The following KDM1A variants were observed in gnomAD, a reference collection of about 807,000 sequenced individuals.
KDM1A encodes lysine-specific histone demethylase 1A.
A neutral mutation model predicts 109.4 loss-of-function variants in KDM1A; 49 were observed. The ratio of observed to expected loss-of-function variants is 0.45; its 90% CI spans 0.36 to 0.57. The LOEUF is 0.57. KDM1A is among the 20% of genes least tolerant of loss of function. The probability of loss-of-function intolerance (pLI) is 0.00; values close to 1 mark genes in which losing one functional copy is unlikely to be tolerated. For synonymous variants in KDM1A, 380 were observed against 415.4 expected (o/e 0.91, Z 1.04); for missense variants, 668 against 1,116.6 (o/e 0.60, Z 5.73).
intron 1 of KDM1A, 57 bp from the exon 2 acceptor site, chr1:23,030,412 G>A: frequency 1.6e-6 from 2 of 1,281,378 alleles, no homozygotes; most frequent in Non-Finnish European, 2.1e-6. Context: ...TCCAAATAGA[G>A]TCCCTAATTT....
intron 2 of KDM1A, among the ~76,000 whole-genome samples, chr1:23,033,006 C>T (rs146876691): frequency 1.3e-3 from 200 of 152,296 alleles, no homozygotes; most frequent in Middle Eastern, 6.8e-3. Flanking sequence ...TTAAGCAATT[C>T]TCCTGCCTCA....
At chr1:23,068,425 T>C (rs1259535863) in intron 10 of KDM1A, 114 bp from the exon 11 acceptor site, 1 of 775,298 alleles carries the variant, frequency 1.3e-6, no homozygotes, top group African/African-American at 1.8e-5. Flanking sequence ...TGCTCAAAGG[T>C]TTCCCCTTTG....
At chr1:23,064,369 A>G (rs975393438) in intron 9 of KDM1A, among the ~76,000 whole-genome samples, 9 of 152,244 alleles carry the variant, frequency 5.9e-5, no homozygotes, top group Non-Finnish European at 1.0e-4. Flanking sequence ...CCATAATTCT[A>G]GAAGTGCTCG....
chr1:23,033,327 G>T (rs1642046071), intron 2 of KDM1A, among the ~76,000 whole-genome samples: 1 of 152,168 alleles, frequency 6.6e-6, no homozygotes, highest in Non-Finnish European at 1.5e-5. Context: ...TTCGAGACCA[G>T]CATGGCCAAC....
At position 23,059,347 on chromosome 1, in the gene KDM1A, G is replaced by A. The variant is rs182718653; in HGVS notation, c.1167+180G>A. On this transcript the variant is annotated intron_variant, in intron 9 of 20. Coordinates refer to ENST00000400181, the MANE Select transcript of KDM1A (RefSeq NM_001009999.3). ...GTTTCTTAACTCTTGAGCTATGTAGGAAAGGATTATTGTATATATACACAT... is the reference window on the plus strand; with the variant it reads ...GTTTCTTAACTCTTGAGCTATGTAGAAAAGGATTATTGTATATATACACAT... 940 of 695,900 alleles carry A rather than the reference G, an allele frequency of 1.4e-3. 6 individuals are homozygous for A. The highest frequency in any genetic ancestry group is 0.012 in the African/African-American group (668 of 57,450). The allele number at this position is 695,900 out of a possible 1,614,324, so 43.1% of individuals were successfully genotyped here.
At position 23,062,974 on chromosome 1, in the gene KDM1A, G is replaced by A. The variant is rs75645451; in HGVS notation, c.1168-3086G>A. Among the ~76,000 whole-genome samples the A allele has an allele frequency of 6.0e-3, 909 of 152,058 alleles. 26 individuals are homozygous for A. Among genetic ancestry groups the A allele is most frequent in the East Asian group, 0.056 (290 of 5,158 alleles). ...CAGTAATAGCTTTAATTGGACATGCGGAAGGTTGGGAAATAGGGTAATTCA... is the reference window on the plus strand; with the variant it reads ...CAGTAATAGCTTTAATTGGACATGCAGAAGGTTGGGAAATAGGGTAATTCA... On this transcript the variant is annotated intron_variant, in intron 9 of 20. Transcript: ENST00000400181.
intron 2 of KDM1A, among the ~76,000 whole-genome samples, chr1:23,033,590 T>A (rs1452357497): frequency 6.6e-6 from 1 of 152,244 alleles, no homozygotes; most frequent in African/African-American, 2.4e-5. Flanking sequence ...TACCAACTTT[T>A]AAATTTGTTT....
intron 20 of KDM1A, chr1:23,082,610 TTCAGGTTTTCTCCC>T (rs1276876745): frequency 7.7e-6 from 3 of 390,802 alleles, no homozygotes; most frequent in Non-Finnish European, 1.4e-5. Context: ...TTTTTCCTTA[TTCAGGTTTTCTCCC>T]TAAAAAACAA....
At chr1:23,078,338 T>TA (rs1409706913) in intron 16 of KDM1A, among the ~76,000 whole-genome samples, 6 of 152,184 alleles carry the variant, frequency 3.9e-5, no homozygotes, top group African/African-American at 1.4e-4. Flanking sequence ...AATGAGCATG[T>TA]ACTGAGCTTT....
chr1:23,043,131 T>C (rs898555750), intron 2 of KDM1A, among the ~76,000 whole-genome samples: 1 of 152,222 alleles, frequency 6.6e-6, no homozygotes. Flanking sequence ...GAGTTTAAAA[T>C]GTAGGACCTA....
At chr1:23,068,061 C>T (rs375770955) in intron 10 of KDM1A, among the ~76,000 whole-genome samples, 19 of 152,312 alleles carry the variant, frequency 1.2e-4, no homozygotes, top group African/African-American at 4.3e-4. Flanking sequence ...CCTCTTCCCA[C>T]CTGAGATTCA....
intron 1 of KDM1A, among the ~76,000 whole-genome samples, chr1:23,020,755 A>G (rs1306508406): frequency 2.0e-5 from 3 of 152,166 alleles, no homozygotes; most frequent in African/African-American, 7.2e-5. Context: ...GGAATGAGTA[A>G]ACTGAGGCAC....
intron 3 of KDM1A, 45 bp from the exon 4 acceptor site, chr1:23,050,342 T>A (rs1362097174): frequency 6.4e-7 from 1 of 1,568,488 alleles, no homozygotes; most frequent in African/African-American, 1.4e-5. Flanking sequence ...ACCCGTTTTG[T>A]ATTCACTTGC....
intron 11 of KDM1A, 54 bp downstream of exon 11, chr1:23,068,735 C>T: frequency 7.3e-7 from 1 of 1,366,824 alleles, no homozygotes. Context: ...TAAAGATTTG[C>T]TATTTATGTT....
At position 23,019,821 on chromosome 1, in the gene KDM1A, G is replaced by A; in HGVS notation, c.225G>A (p.Ala75=). 1 of 1,423,492 alleles carries A rather than the reference G, an allele frequency of 7.0e-7. No individual in the cohort carries two copies. The highest frequency in any genetic ancestry group is 9.2e-7 in the Non-Finnish European group (1 of 1,090,094). 88.2% of individuals were successfully genotyped at this position (1,423,492 alleles called of 1,614,324 possible). A position where few individuals can be genotyped will look rare whatever the true frequency, so the allele number is the denominator to read the frequency against. The change falls in exon 1 of 21, where the codon GCG becomes GCA. Residue 75 remains alanine, a synonymous_variant. Transcript: ENST00000400181. Reference sequence around the variant, plus strand: ...GGGCCTCGCCCCCCGGGGGCCTGGCGGAACCGCCGGGGTCCGCAGGGCCTC... The same window carrying A: ...GGGCCTCGCCCCCCGGGGGCCTGGCAGAACCGCCGGGGTCCGCAGGGCCTC... ...PPRASPPGGL[A]EPPGSAGPQA...
chr1:23,079,328 T>C lies in KDM1A; in HGVS notation c.2055+151T>C. The C allele has an allele frequency of 2.5e-6, 2 of 790,786 alleles. No homozygotes were observed. The highest frequency in any genetic ancestry group is 4.0e-6 in the Non-Finnish European group (2 of 498,378). 49.0% of individuals were successfully genotyped at this position (790,786 alleles called of 1,614,324 possible). On this transcript the variant is annotated intron_variant, in intron 17 of 20. Coordinates refer to ENST00000400181, the MANE Select transcript of KDM1A (RefSeq NM_001009999.3). This position sits in a 1 kb window ranked among gnomAD's most constrained non-coding sequence, Gnocchi z 5.6. ...GGCTGAGGCGTGTCAGTTGATTCTC[T>C]TCAGTGCCTAAGTCTATCATCAAGT... is the stretch of plus-strand genomic sequence containing the variant.
intron 3 of KDM1A, among the ~76,000 whole-genome samples, chr1:23,046,437 G>T (rs185628767): frequency 6.6e-6 from 1 of 151,906 alleles, no homozygotes; most frequent in Non-Finnish European, 1.5e-5. Context: ...TTATTTTCAC[G>T]CTAGAAATCT....
intron 9 of KDM1A, among the ~76,000 whole-genome samples, chr1:23,065,768 C>G (rs1037191167): frequency 2.6e-5 from 4 of 152,062 alleles, no homozygotes; most frequent in African/African-American, 9.7e-5. Flanking sequence ...TTCCTTTCCT[C>G]TTTTGAGTTT....
At chr1:23,056,411 G>T (rs1454402390) in intron 7 of KDM1A, among the ~76,000 whole-genome samples, 1 of 152,040 alleles carries the variant, frequency 6.6e-6, no homozygotes, top group Non-Finnish European at 1.5e-5. Flanking sequence ...TGCTTCTCAG[G>T]CAGGAACCAT....
Sources: allele counts gnomAD v4.1 joint callset (sites outside exome capture counted in the v4.1 genomes callset), GRCh38; gene constraint gnomAD v4.1.1; non-coding constraint Gnocchi (gnomAD v3.1); transcripts MANE v1.5; gene names NCBI Gene and HGNC (gene_info 2026-07-23, HGNC 2026-07-21).